Variants in TSHZ3 observed in about 807,000 individuals in gnomAD.
TSHZ3 encodes teashirt zinc finger homeobox 3.
TSHZ3 carries 10 observed loss-of-function variants against 64.5 expected under a neutral mutation model. That is an observed-to-expected ratio of 0.16 (90% CI 0.10 to 0.26). The LOEUF is 0.26. Among genes scored for constraint, TSHZ3 ranks in the 10% least tolerant of loss-of-function variants. The pLI is 1.00. For missense variants in TSHZ3, 1,242 were observed against 1,421.7 expected (o/e 0.87, Z 2.03); for synonymous variants, 608 against 593.1 (o/e 1.03, Z -0.36).
intron 1 of TSHZ3, among the ~76,000 whole-genome samples, chr19:31,346,169 C>T (rs1917587115): frequency 2.0e-5 from 3 of 152,134 alleles, no homozygotes. Context: ...ATACATTGGC[C>T]TAGATATGAA....
intron 5 of TSHZ3, among the ~76,000 whole-genome samples, chr19:31,163,888 A>C (rs1974404991): frequency 6.6e-6 from 1 of 152,116 alleles, no homozygotes; most frequent in African/African-American, 2.4e-5. Flanking sequence ...TGCACCAGGC[A>C]CCCTCCTAAG....
intron 1 of TSHZ3, among the ~76,000 whole-genome samples, chr19:31,264,497 G>A (rs149281349): frequency 1.9e-3 from 291 of 152,290 alleles, no homozygotes; most frequent in African/African-American, 6.6e-3. Flanking sequence ...TCCCGCCTGT[G>A]GGAGAGCCCA....
chr19:31,278,469 C>T lies in TSHZ3; in HGVS notation c.1324G>A (p.Val442Ile), dbSNP rs764242755. The change falls in exon 2 of 2, where the codon GTC (valine) becomes ATC (isoleucine). Residue 442 changes from valine (V) to isoleucine (I), a missense_variant. Coordinates refer to ENST00000240587, the MANE Select transcript of TSHZ3 (RefSeq NM_020856.4). This position sits in a 1 kb window ranked among gnomAD's most constrained non-coding sequence, Gnocchi z 4.7. ...PTITTLLDEK[V>I]QSVPLAATTF... ...GTGGCTGCCAGGGGCACGGACTGGACCTTCTCATCCAGCAGGGTTGTGATG... is the reference window on the plus strand; with the variant it reads ...GTGGCTGCCAGGGGCACGGACTGGATCTTCTCATCCAGCAGGGTTGTGATG... 4.8e-5 allele frequency: 78 copies of T among 1,614,010 alleles called. No individual in the cohort carries two copies. Among genetic ancestry groups the T allele is most frequent in the Non-Finnish European group, 6.2e-5 (73 of 1,180,042 alleles).
intron 6 of TSHZ3, among the ~76,000 whole-genome samples, chr19:31,153,250 T>C (rs899090431): frequency 6.6e-6 from 1 of 152,210 alleles, no homozygotes; most frequent in African/African-American, 2.4e-5. Context: ...AAAAGATGTT[T>C]AGGAAAAAAT....
intron 1 of TSHZ3, among the ~76,000 whole-genome samples, chr19:31,330,039 C>T: frequency 6.6e-6 from 1 of 151,898 alleles, no homozygotes; most frequent in East Asian, 1.9e-4. Flanking sequence ...TATGAGTAAT[C>T]ATAAAAACTG....
chr19:31,229,141 T>G (rs1351560363), intron 3 of TSHZ3, among the ~76,000 whole-genome samples: 1 of 152,232 alleles, frequency 6.6e-6, no homozygotes, highest in Admixed American at 6.5e-5. Flanking sequence ...TGCCTCAATT[T>G]GTGTATAAGT....
rs766810539 is a variant in TSHZ3 at position 31,278,747 on chromosome 19, T to C, written c.1046A>G (p.Asn349Ser). Residue 349 changes from asparagine (N) to serine (S), a missense_variant, in exon 2 of 2, where the codon AAC becomes AGC. Physicochemically the swap from Asn to Ser is conservative, Grantham distance 46. This residue lies in a region of TSHZ3 where 555 missense variants were observed against 704.0 expected (regional missense o/e 0.79). Coordinates refer to ENST00000240587, the MANE Select transcript of TSHZ3 (RefSeq NM_020856.4). The surrounding 1 kb of genome is among the most constrained non-coding windows in gnomAD (Gnocchi z 4.7). ...GTPKATISDTNDALQKNSNPY... is the reference protein window; with the variant it reads ...GTPKATISDTSDALQKNSNPY... Reference sequence around the variant, plus strand: ...GTTGGAGTTCTTCTGAAGTGCATCGTTGGTGTCTGAGATGGTGGCTTTGGG... The same window carrying C: ...GTTGGAGTTCTTCTGAAGTGCATCGCTGGTGTCTGAGATGGTGGCTTTGGG... 20 of 1,614,024 alleles carry C rather than the reference T, an allele frequency of 1.2e-5. No individual in the cohort carries two copies. The Admixed American group carries it at 2.0e-4, about 16-fold the overall frequency.
intron 4 of TSHZ3, among the ~76,000 whole-genome samples, chr19:31,217,822 C>T (rs1193588948): frequency 6.6e-6 from 1 of 152,216 alleles, no homozygotes; most frequent in Non-Finnish European, 1.5e-5. Flanking sequence ...TCATCCCTTC[C>T]TCCCCTCAAC....
chr19:31,222,229 G>T (rs1465569352), intron 4 of TSHZ3, among the ~76,000 whole-genome samples: 1 of 152,200 alleles, frequency 6.6e-6, no homozygotes, highest in Non-Finnish European at 1.5e-5. Context: ...CGTCACAGAA[G>T]ACTAAATGTA....
At chr19:31,211,968 G>T (rs540823714) in intron 4 of TSHZ3, among the ~76,000 whole-genome samples, 1 of 152,154 alleles carries the variant, frequency 6.6e-6, no homozygotes, top group Non-Finnish European at 1.5e-5. Context: ...AGGCATGTTT[G>T]CTCAGTAGAT....
chr19:31,318,826 T>C (rs1254696560), intron 1 of TSHZ3, among the ~76,000 whole-genome samples: 2 of 152,174 alleles, frequency 1.3e-5, no homozygotes, highest in South Asian at 2.1e-4. Context: ...TAACTTGCCA[T>C]CTCTAAATGA....
chr19:31,348,875 CGG>C, intron 1 of TSHZ3: 1 of 343,766 alleles, frequency 2.9e-6, no homozygotes, highest in Admixed American at 4.9e-5. Flanking sequence ...AGAGCCAGGC[CGG>C]GGTTGCTTCC....
rs760094556 is a variant in TSHZ3 at position 31,279,772 on chromosome 19, G to A, written c.41-20C>T. 6.7e-7 allele frequency: 1 copy of A among 1,482,136 alleles called. No homozygotes were observed. The highest frequency in any genetic ancestry group is 1.4e-5 in the African/African-American group (1 of 71,214). 91.8% of individuals were successfully genotyped at this position (1,482,136 alleles called of 1,614,324 possible). ...CATAGGCTGCCATGATAACAGGTGG[G>A]AAAGAGAGACAGGTAGGATGGAATG... On this transcript the variant is annotated intron_variant, in intron 1 of 1. Transcript: ENST00000240587. The surrounding 1 kb of genome is among the most constrained non-coding windows in gnomAD (Gnocchi z 6.4).
chr19:31,305,257 A>C (rs1358092634), intron 1 of TSHZ3, among the ~76,000 whole-genome samples: 2 of 148,520 alleles, frequency 1.3e-5, no homozygotes, highest in African/African-American at 5.0e-5. Context: ...CTGTTAAATC[A>C]CCTCTGAACT....
chr19:31,261,740 G>A (rs1315806863), intron 1 of TSHZ3, among the ~76,000 whole-genome samples: 1 of 152,122 alleles, frequency 6.6e-6, no homozygotes, highest in Non-Finnish European at 1.5e-5. Context: ...CAGAAACCGG[G>A]GGAGAGGTCT....
At chr19:31,239,562 A>T (rs1452556629) in intron 3 of TSHZ3, among the ~76,000 whole-genome samples, 2 of 151,420 alleles carry the variant, frequency 1.3e-5, no homozygotes, top group Non-Finnish European at 2.9e-5. Flanking sequence ...AATTGACAGG[A>T]TTTTTTTTTC....
At chr19:31,328,599 G>T (rs1916990951) in intron 1 of TSHZ3, among the ~76,000 whole-genome samples, 2 of 152,184 alleles carry the variant, frequency 1.3e-5, no homozygotes, top group South Asian at 4.1e-4. Context: ...AAGGAATGGC[G>T]GGTTAAATCT....
At position 31,224,855 on chromosome 19, in the gene TSHZ3, C is replaced by T. The variant is rs1347315691; in HGVS notation, n.686+3150G>A. Among the ~76,000 whole-genome samples, 3 of 152,166 alleles carry T rather than the reference C, an allele frequency of 2.0e-5. No individual in the cohort carries two copies. In the East Asian group the frequency reaches 5.8e-4, roughly 29 times the overall value. ...CTTTCTATCAAGAAAAGACATTGTG[C>T]TCAAGAGCTGGAGGTGATAAAGTCC... On this transcript the variant is annotated intron_variant and non_coding_transcript_variant, in intron 4 of 6. Coordinates refer to the TSHZ3 transcript ENST00000651361.
intron 1 of TSHZ3, among the ~76,000 whole-genome samples, chr19:31,254,561 G>A (rs1263079303): frequency 6.6e-6 from 1 of 152,218 alleles, no homozygotes; most frequent in Non-Finnish European, 1.5e-5. Context: ...TGCCACAATG[G>A]ATGCATTTCT....
Sources: gnomAD v4.1 joint callset for allele counts (sites outside exome capture counted in the v4.1 genomes callset) on GRCh38, gnomAD v4.1.1 for gene constraint, gnomAD v4.1.1 regional missense constraint, Gnocchi (gnomAD v3.1) non-coding constraint, MANE v1.5 for transcripts, NCBI Gene and HGNC (gene_info 2026-07-23, HGNC 2026-07-21) for gene names.